Variants in BTBD1 observed in about 807,000 individuals in gnomAD.
The protein encoded by BTBD1 is BTB/POZ domain-containing protein 1.
BTBD1 carries 34 observed loss-of-function variants against 48.0 expected under a neutral mutation model. The ratio of observed to expected loss-of-function variants is 0.71; its 90% CI spans 0.54 to 0.94. The LOEUF is 0.94. BTBD1 is among the 40% of genes least tolerant of loss of function. The probability of loss-of-function intolerance (pLI) is 0.00; values close to 1 mark genes in which losing one functional copy is unlikely to be tolerated. For synonymous variants in BTBD1, 261 were observed against 242.1 expected (o/e 1.08, Z -0.72); for missense variants, 543 against 625.6 (o/e 0.87, Z 1.41).
intron 3 of BTBD1, chr15:83,044,834 C>CTTG: frequency 2.1e-6 from 2 of 949,352 alleles, no homozygotes; most frequent in Non-Finnish European, 3.3e-6. Context: ...GTTCAATGAG[C>CTTG]AAATCTCCAT....
Position 83,067,019 on chromosome 15 carries a change from G to A in BTBD1, c.133C>T (p.Leu45Phe), listed in dbSNP as rs901229428. The change falls in exon 1 of 8, where the codon CTC becomes TTC. Residue 45 changes from leucine to phenylalanine, a missense_variant. Transcript: ENST00000261721. Reference protein sequence around the residue: ...GPLLPLQREPLYNWQATKASL... With the variant: ...GPLLPLQREPFYNWQATKASL... The stretch of plus-strand genomic sequence containing the variant: ...GCCTTGGTCGCCTGCCAGTTGTAGA[G>A]AGGTTCCCGCTGCAGGGGGAGCAGG... The A allele has an allele frequency of 1.3e-6, 2 of 1,584,326 alleles. No individual in the cohort carries two copies. The highest frequency in any genetic ancestry group is 2.5e-5 in the East Asian group (1 of 40,404).
intron 2 of BTBD1, among the ~76,000 whole-genome samples, chr15:83,051,306 A>T (rs2032977053): frequency 6.6e-6 from 1 of 152,094 alleles, no homozygotes. Context: ...CATGATGATG[A>T]CTCTTCATTT....
chr15:83,051,850 C>A (rs2032988901), intron 2 of BTBD1, among the ~76,000 whole-genome samples: 1 of 97,870 alleles, frequency 1.0e-5, no homozygotes, highest in Admixed American at 1.1e-4. Context: ...CATTTTGCCT[C>A]ATTTATTAAT....
At chr15:83,051,840 C>A (rs2032988573) in intron 2 of BTBD1, among the ~76,000 whole-genome samples, 1 of 120,854 alleles carries the variant, frequency 8.3e-6, no homozygotes, top group African/African-American at 3.7e-5. Flanking sequence ...TATTATTTAA[C>A]ATTTTGCCTC....
In BTBD1 at chr15:83,025,871, G is replaced by A. The variant is rs543314551; in HGVS notation, c.1055+4265C>T. Among the ~76,000 whole-genome samples, 5 of 152,148 alleles carry A rather than the reference G, an allele frequency of 3.3e-5. No individual in the cohort carries two copies. The South Asian group carries it at 6.2e-4, about 19-fold the overall frequency. On this transcript the variant is annotated intron_variant, in intron 5 of 7. Coordinates refer to ENST00000261721, the MANE Select transcript of BTBD1 (RefSeq NM_025238.4). ...TGCCAGCTCCGCCTCCCGGGTTCAC[G>A]CAATTCTCCTGTCTCAGCCTCCCGA...
intron 1 of BTBD1, among the ~76,000 whole-genome samples, chr15:83,062,997 C>T (rs2151315750): frequency 6.6e-6 from 1 of 152,252 alleles, no homozygotes; most frequent in South Asian, 2.1e-4. Flanking sequence ...GATTAAAAAT[C>T]AACTCAAAGT....
At chr15:83,050,430 T>TTGTGTGTGTGTGTGTG (rs71927319) in intron 2 of BTBD1, among the ~76,000 whole-genome samples, 68 of 146,252 alleles carry the variant, frequency 4.6e-4, no homozygotes, top group African/African-American at 6.8e-4. Flanking sequence ...TTTTATGTGC[T>TTGTGTGTGTGTGTGTG]TGTGTGTGTG....
intron 2 of BTBD1, among the ~76,000 whole-genome samples, chr15:83,051,877 T>TATACATACACACACACAC (rs1555441191): frequency 7.2e-6 from 1 of 138,816 alleles, no homozygotes; most frequent in African/African-American, 2.8e-5. Flanking sequence ...TCCATATATA[T>TATACATACACACACACAC]ACACACACAC....
intron 1 of BTBD1, among the ~76,000 whole-genome samples, chr15:83,058,630 A>G (rs1212587843): frequency 1.3e-5 from 2 of 152,178 alleles, no homozygotes; most frequent in Non-Finnish European, 2.9e-5. Context: ...ATTAAAAAAA[A>G]AAAGAAATTT....
At chr15:83,060,039 G>C (rs983495993) in intron 1 of BTBD1, among the ~76,000 whole-genome samples, 1 of 152,114 alleles carries the variant, frequency 6.6e-6, no homozygotes, top group Admixed American at 6.5e-5. Context: ...AAGGATCTCT[G>C]TGTATCTTAT....
At chr15:83,044,348 C>G in intron 3 of BTBD1, 10 of 1,419,532 alleles carry the variant, frequency 7.0e-6, no homozygotes, top group Admixed American at 3.9e-5. Context: ...GCTCTGCATG[C>G]CCGCCCGCCC....
At chr15:83,029,925 T>G (rs1323184171) in intron 5 of BTBD1, 1 of 590,008 alleles carries the variant, frequency 1.7e-6, no homozygotes, top group Admixed American at 3.0e-5. Context: ...CTTACTCTAT[T>G]TTTTTCTTAA....
intron 5 of BTBD1, among the ~76,000 whole-genome samples, chr15:83,027,027 C>T (rs367795721): frequency 5.3e-5 from 8 of 152,170 alleles, no homozygotes; most frequent in South Asian, 4.1e-4. Flanking sequence ...CACATATACA[C>T]GCCTCGCATA....
rs1043275148 is a variant in BTBD1 at position 83,067,194 on chromosome 15, C to A, written c.-43G>T. 3.7e-6 allele frequency: 5 copies of A among 1,355,986 alleles called. No homozygotes were observed. In the African/African-American group the frequency reaches 7.6e-5, roughly 21 times the overall value. 84.0% of individuals were successfully genotyped at this position (1,355,986 alleles called of 1,614,324 possible). ...GCCCACGTTATGGACAAAACTCCGC[C>A]GCCATCGCCCAGGCCGCCTCCGGAG... On this transcript the variant is annotated 5_prime_UTR_variant, in exon 1 of 8. Transcript: ENST00000261721.
chr15:83,042,673 C>T (rs958574253), intron 3 of BTBD1, among the ~76,000 whole-genome samples: 36 of 152,166 alleles, frequency 2.4e-4, no homozygotes, highest in African/African-American at 8.7e-4. Flanking sequence ...CGTGAGCCAC[C>T]GCGCCCAGCC....
intron 1 of BTBD1, among the ~76,000 whole-genome samples, chr15:83,064,710 C>T (rs2033232096): frequency 6.6e-6 from 1 of 152,098 alleles, no homozygotes; most frequent in East Asian, 1.9e-4. Context: ...ATGAGATCTA[C>T]ACATTTCATA....
At chr15:83,065,066 T>A (rs2033237748) in intron 1 of BTBD1, among the ~76,000 whole-genome samples, 1 of 152,212 alleles carries the variant, frequency 6.6e-6, no homozygotes, top group African/African-American at 2.4e-5. Context: ...GTGCTATCCG[T>A]CATATTTAGT....
At chr15:83,018,874 G>C in intron 6 of BTBD1, 21 bp from the exon 7 acceptor site, 1 of 1,604,514 alleles carries the variant, frequency 6.2e-7, no homozygotes, top group Non-Finnish European at 8.5e-7. Flanking sequence ...TAAGAGACAA[G>C]TTACATTTAA....
In BTBD1 at chr15:83,067,123, C is replaced by A; in HGVS notation, c.29G>T (p.Gly10Val). MASLGPAAA[G>V]EQASGAEAEP... ...CGCCTCAGCCCCCGACGCCTGCTCCCCAGCTGCGGCAGGCCCGAGTGAGGC... is the reference window on the plus strand; with the variant it reads ...CGCCTCAGCCCCCGACGCCTGCTCCACAGCTGCGGCAGGCCCGAGTGAGGC... The change falls in exon 1 of 8, where the codon GGG (glycine) becomes GTG (valine). Residue 10 changes from glycine (G) to valine (V), a missense_variant. By Grantham distance (109) the Gly-to-Val change is moderately radical (BLOSUM62 -3). Coordinates refer to ENST00000261721, the MANE Select transcript of BTBD1 (RefSeq NM_025238.4). 1 of 1,449,428 alleles carries A rather than the reference C, an allele frequency of 6.9e-7. No homozygotes were observed. Among genetic ancestry groups the A allele is most frequent in the Admixed American group, 3.1e-5 (1 of 31,806 alleles). The allele number at this position is 1,449,428 out of a possible 1,614,324, so 89.8% of individuals were successfully genotyped here.
Sources: allele counts gnomAD v4.1 joint callset (sites outside exome capture counted in the v4.1 genomes callset), GRCh38; gene constraint gnomAD v4.1.1; transcripts MANE v1.5; gene names NCBI Gene and HGNC (gene_info 2026-07-23, HGNC 2026-07-21).